The following ACACA variants were observed in gnomAD, a reference collection of about 807,000 sequenced individuals.
ACACA encodes acetyl-CoA carboxylase 1.
ACACA carries 103 observed loss-of-function variants against 296.1 expected under a neutral mutation model. That is an observed-to-expected ratio of 0.35 (90% confidence interval 0.30 to 0.41). The LOEUF is 0.41. Among genes scored for constraint, ACACA ranks in the 10% least tolerant of loss-of-function variants. ACACA has a pLI of 1.00. For synonymous variants in ACACA, 953 were observed against 1,038.6 expected, an observed-to-expected ratio of 0.92 and a Z score of 1.58; for missense variants, 1,554 against 2,989.7, an observed-to-expected ratio of 0.52 and a Z score of 11.20.
chr17:37,310,594 G>GACC (rs534792484), intron 3 of ACACA, among the ~76,000 whole-genome samples: 2 of 152,000 alleles, frequency 1.3e-5, no homozygotes, highest in African/African-American at 4.8e-5. Context: ...AGGAGTCCAA[G>GACC]ACCAGCCTGG....
At chr17:37,366,436 G>C (rs2946537) in intron 1 of ACACA, among the ~76,000 whole-genome samples, 25,403 of 150,132 alleles carry the variant, frequency 0.17, 5,884 homozygotes, top group African/African-American at 0.53. Context: ...TCCTGTATGT[G>C]ATATCTTAGA....
At position 37,161,768 on chromosome 17, in the gene ACACA, T is replaced by C. The variant is rs765456395; in HGVS notation, c.5349+13A>G. 6.2e-7 allele frequency: 1 copy of C among 1,607,906 alleles called. No individual in the cohort carries two copies. The highest frequency in any genetic ancestry group is 1.1e-5 in the South Asian group (1 of 91,084). On this transcript the variant is annotated intron_variant, in intron 42 of 55. Coordinates refer to ENST00000616317, the MANE Select transcript of ACACA (RefSeq NM_198834.3). ...TATAGCACCTTGAAGTAGTATATGC[T>C]CTTAGTGTGTACCTTGTAAGGATCC... is the stretch of plus-strand genomic sequence containing the variant.
chr17:37,156,413 ATC>A (rs1378441838), intron 42 of ACACA, among the ~76,000 whole-genome samples: 1 of 139,850 alleles, frequency 7.2e-6, no homozygotes, highest in Non-Finnish European at 1.5e-5. Context: ...CTTTAGTGAC[ATC>A]TCTATTAAAG....
intron 29 of ACACA, among the ~76,000 whole-genome samples, chr17:37,211,902 A>G (rs1305699874): frequency 6.6e-6 from 1 of 152,142 alleles, no homozygotes; most frequent in Admixed American, 6.6e-5. Flanking sequence ...CACTCAGGAG[A>G]GTGGGTTTTA....
rs67821579 is a variant in ACACA, at chr17:37,185,402, C to CTTTTTTTTTTTTTTTTTTTTTT, written c.4776+2853_4776+2874dup. Among the ~76,000 whole-genome samples the CTTTTTTTTTTTTTTTTTTTTTT allele has an allele frequency of 4.1e-5, 2 of 48,438 alleles. 1 individual carries two copies. Among genetic ancestry groups the CTTTTTTTTTTTTTTTTTTTTTT allele is most frequent in the African/African-American group, 1.8e-4 (2 of 10,846 alleles). The allele number at this position is 48,438 out of a possible 152,430, so 31.8% of individuals were successfully genotyped here. ...TGCATGACACCATGCCTGGCTATTTCTTTTTTTTTTTTTTTTTTTTTTTTT... is the reference window on the plus strand; with the variant it reads ...TGCATGACACCATGCCTGGCTATTTCTTTTTTTTTTTTTTTTTTTTTTTTTTTTTTTTTTTTTTTTTTTTTTT... On this transcript the variant is annotated intron_variant, in intron 39 of 55. Coordinates refer to ENST00000616317, the MANE Select transcript of ACACA (RefSeq NM_198834.3).
intron 45 of ACACA, among the ~76,000 whole-genome samples, chr17:37,139,501 C>A (rs2075473062): frequency 6.6e-6 from 1 of 152,216 alleles, no homozygotes; most frequent in African/African-American, 2.4e-5. Flanking sequence ...TTTGTGTACC[C>A]TTGGGGTTTG....
intron 3 of ACACA, among the ~76,000 whole-genome samples, chr17:37,325,241 C>G (rs1042147256): frequency 6.6e-6 from 1 of 151,254 alleles, no homozygotes; most frequent in African/African-American, 2.4e-5. Flanking sequence ...TGGAGAGCAC[C>G]TGTAATCGCA....
At chr17:37,293,721 C>T (rs2083191359) in intron 3 of ACACA, among the ~76,000 whole-genome samples, 1 of 151,764 alleles carries the variant, frequency 6.6e-6, no homozygotes, top group Non-Finnish European at 1.5e-5. Flanking sequence ...TTTATATTTT[C>T]AGTAGAGATG....
At chr17:37,248,777 G>A in intron 16 of ACACA, 103 bp from the exon 17 acceptor site, 1 of 802,136 alleles carries the variant, frequency 1.2e-6, no homozygotes, top group South Asian at 1.4e-5. Flanking sequence ...CAAAAGACTA[G>A]AAACAACCTA....
chr17:37,215,891 G>C (rs143528969), intron 29 of ACACA, among the ~76,000 whole-genome samples: 1 of 152,028 alleles, frequency 6.6e-6, no homozygotes, highest in East Asian at 1.9e-4. Flanking sequence ...CTAAAGGGCT[G>C]GGCTCACAGA....
chr17:37,200,775 G>C (rs1162116477), intron 33 of ACACA, among the ~76,000 whole-genome samples: 4 of 152,182 alleles, frequency 2.6e-5, no homozygotes, highest in African/African-American at 9.7e-5. Context: ...TTACATAAAG[G>C]TAGGCCATGA....
chr17:37,111,748 A>G (rs1314796838), intron 51 of ACACA, 105 bp from the exon 52 acceptor site: 2 of 865,236 alleles, frequency 2.3e-6, no homozygotes, highest in Non-Finnish European at 3.8e-6. Context: ...AAATAGCTTC[A>G]TTATCATTTT....
chr17:37,087,517 T>C (rs1466433804), intron 55 of ACACA, 78 bp from the exon 56 acceptor site: 2 of 1,550,916 alleles, frequency 1.3e-6, no homozygotes, highest in African/African-American at 2.7e-5. Context: ...AACTGCCCAA[T>C]AAACATGTGT....
rs548532929 is a variant in ACACA at position 37,395,384 on chromosome 17, C to G, written c.38+10878G>C. On this transcript the variant is annotated intron_variant, in intron 1 of 55. Coordinates refer to ENST00000616317, the MANE Select transcript of ACACA (RefSeq NM_198834.3). ...GACTGAGGTTGCGGTGAGCTGAGATCGTGTCACTGCACTCTAGCCTGGGTG... is the reference window on the plus strand; with the variant it reads ...GACTGAGGTTGCGGTGAGCTGAGATGGTGTCACTGCACTCTAGCCTGGGTG... 3.4e-5 allele frequency among the ~76,000 whole-genome samples: 5 copies of G among 148,028 alleles called. No individual in the cohort carries two copies. The South Asian group carries it at 8.6e-4, about 25-fold the overall frequency.
At chr17:37,240,727 TA>T (rs1567866189) in intron 23 of ACACA, among the ~76,000 whole-genome samples, 163 bp from the exon 24 acceptor site, 1 of 152,170 alleles carries the variant, frequency 6.6e-6, no homozygotes, top group South Asian at 2.1e-4. Flanking sequence ...ATTCTAAGCC[TA>T]AAAGAAATCT....
chr17:37,199,865 T>C (rs2078168516), intron 35 of ACACA, among the ~76,000 whole-genome samples: 1 of 151,912 alleles, frequency 6.6e-6, no homozygotes, highest in African/African-American at 2.4e-5. Flanking sequence ...GAACACTTGA[T>C]ATAAGAATTA....
intron 30 of ACACA, 57 bp downstream of exon 30, chr17:37,210,410 C>T: frequency 6.6e-7 from 1 of 1,504,498 alleles, no homozygotes; most frequent in South Asian, 1.1e-5. Flanking sequence ...CCTGGTTTCA[C>T]TATTCTAAGT....
intron 24 of ACACA, among the ~76,000 whole-genome samples, chr17:37,238,907 C>T (rs2080251897): frequency 6.6e-6 from 1 of 152,046 alleles, no homozygotes; most frequent in Non-Finnish European, 1.5e-5. Context: ...GCTCACTGCA[C>T]CCTTGAATCC....
At chr17:37,157,322 G>C (rs1342932071) in intron 42 of ACACA, among the ~76,000 whole-genome samples, 1 of 152,178 alleles carries the variant, frequency 6.6e-6, no homozygotes, top group Non-Finnish European at 1.5e-5. Flanking sequence ...TAAGAAAGCA[G>C]AGTCGGGTAG....
Sources: gnomAD v4.1 joint callset for allele counts (sites outside exome capture counted in the v4.1 genomes callset) on GRCh38, gnomAD v4.1.1 for gene constraint, MANE v1.5 for transcripts, NCBI Gene and HGNC (gene_info 2026-07-23, HGNC 2026-07-21) for gene names.